The following MARCHF1 variants were observed in gnomAD, a reference collection of about 807,000 sequenced individuals.
MARCHF1 encodes the protein E3 ubiquitin-protein ligase MARCHF1.
MARCHF1 carries 40 observed loss-of-function variants against 54.2 expected under a neutral mutation model. The ratio of observed to expected loss-of-function variants is 0.74; its 90% CI spans 0.57 to 0.96. The LOEUF is 0.96. Among genes scored for constraint, MARCHF1 ranks in the 40% least tolerant of loss-of-function variants. The pLI, the probability that MARCHF1 is intolerant of heterozygous loss-of-function variation, is 0.00. For missense variants in MARCHF1, 586 were observed against 656.5 expected (o/e 0.89, Z 1.17); for synonymous variants, 236 against 236.3 (o/e 1.00, Z 0.01).
At chr4:164,021,633 T>A (rs1329447018) in intron 2 of MARCHF1, among the ~76,000 whole-genome samples, 1 of 152,036 alleles carries the variant, frequency 6.6e-6, no homozygotes, top group African/African-American at 2.4e-5. Flanking sequence ...TACATTTATA[T>A]TTGAAAATAT....
intron 1 of MARCHF1, among the ~76,000 whole-genome samples, chr4:164,299,127 T>TA (rs1033435084): frequency 6.6e-6 from 1 of 152,126 alleles, no homozygotes; most frequent in Admixed American, 6.6e-5. Flanking sequence ...TAGAAAACAT[T>TA]AAACTCTTAT....
rs1353137442 is a variant in MARCHF1, at chr4:163,886,478, G to A, written c.-38-32309C>T. Among the ~76,000 whole-genome samples, 5 of 151,962 alleles carry A rather than the reference G, an allele frequency of 3.3e-5. No homozygotes were observed. The South Asian group carries it at 6.2e-4, about 19-fold the overall frequency. ...AAAATTGTGTAACTAGCATGAGGCA[G>A]CTTGTAAAAAAAATACTGGTGCAGC... On this transcript the variant is annotated intron_variant, in intron 3 of 9. Coordinates refer to ENST00000514618, the MANE Select transcript of MARCHF1 (RefSeq NM_001394959.1).
At chr4:163,736,650 G>A (rs1165110993) in intron 4 of MARCHF1, among the ~76,000 whole-genome samples, 1 of 151,980 alleles carries the variant, frequency 6.6e-6, no homozygotes, top group African/African-American at 2.4e-5. Context: ...AGAATATTAT[G>A]ATGCCTAAGA....
chr4:163,538,960 T>A (rs1211692196), intron 9 of MARCHF1, among the ~76,000 whole-genome samples: 2 of 152,150 alleles, frequency 1.3e-5, no homozygotes, highest in Admixed American at 1.3e-4. Context: ...TCGGAAACTT[T>A]AAGTGTGTTT....
At chr4:163,962,195 G>A (rs1156863330) in intron 3 of MARCHF1, among the ~76,000 whole-genome samples, 1 of 151,904 alleles carries the variant, frequency 6.6e-6, no homozygotes, top group Non-Finnish European at 1.5e-5. Context: ...TCCATTGGAA[G>A]CAACTGCAAT....
chr4:164,081,691 T>A (rs750139789), intron 2 of MARCHF1, among the ~76,000 whole-genome samples: 2 of 152,068 alleles, frequency 1.3e-5, no homozygotes, highest in Non-Finnish European at 2.9e-5. Context: ...GGGGAAAACA[T>A]GCACATGTGC....
chr4:163,728,680 G>C (rs6816308), intron 4 of MARCHF1, among the ~76,000 whole-genome samples: 4,935 of 152,152 alleles, frequency 0.032, 177 homozygotes, highest in African/African-American at 0.087. Context: ...TCACTTCCTA[G>C]GTTTAGCCTT....
intron 2 of MARCHF1, among the ~76,000 whole-genome samples, chr4:164,066,221 C>A (rs900416935): frequency 6.6e-6 from 1 of 151,768 alleles, no homozygotes; most frequent in South Asian, 2.1e-4. Context: ...ATGATATAAA[C>A]ACTTTTCAAA....
intron 4 of MARCHF1, among the ~76,000 whole-genome samples, chr4:163,814,011 C>A (rs372272367): frequency 2.0e-5 from 3 of 152,310 alleles, no homozygotes; most frequent in South Asian, 4.1e-4. Flanking sequence ...GGTCATAAAA[C>A]CCTCACAGCC....
At chr4:164,036,431 T>C (rs936505926) in intron 2 of MARCHF1, among the ~76,000 whole-genome samples, 2 of 152,122 alleles carry the variant, frequency 1.3e-5, no homozygotes, top group Admixed American at 6.5e-5. Context: ...AACTAACCTA[T>C]AGAATTACCT....
chr4:163,950,327 C>A (rs912073018), intron 3 of MARCHF1, among the ~76,000 whole-genome samples: 1 of 152,192 alleles, frequency 6.6e-6, no homozygotes, highest in Non-Finnish European at 1.5e-5. Flanking sequence ...AGGGGACTGG[C>A]GTGTCAGTGC....
chr4:164,090,539 T>C (rs894051321), intron 2 of MARCHF1, among the ~76,000 whole-genome samples: 4 of 152,118 alleles, frequency 2.6e-5, no homozygotes, highest in Non-Finnish European at 5.9e-5. Flanking sequence ...ATATCACCTG[T>C]TATCTTCTGA....
rs1338990829 is a variant in MARCHF1 at position 164,352,264 on chromosome 4, C to G, written c.-323+31606G>C. Among the ~76,000 whole-genome samples the G allele has an allele frequency of 1.9e-5, 2 of 104,052 alleles. 1 individual carries two copies. The highest frequency in any genetic ancestry group is 6.4e-5 in the African/African-American group (2 of 31,238). 68.3% of individuals were successfully genotyped at this position (104,052 alleles called of 152,430 possible). ...CAGATTCAGGAAATACAGAGAACGC[C>G]ACAAAGATACTCCTCGAGAAGAGCA... On this transcript the variant is annotated intron_variant, in intron 1 of 9. Transcript: ENST00000514618.
chr4:163,811,764 G>A (rs1206791641), intron 4 of MARCHF1, among the ~76,000 whole-genome samples: 1 of 152,068 alleles, frequency 6.6e-6, no homozygotes, highest in African/African-American at 2.4e-5. Flanking sequence ...AGTTTACTAG[G>A]CCCTGTGGGT....
intron 5 of MARCHF1, among the ~76,000 whole-genome samples, chr4:163,646,621 C>T (rs949711963): frequency 7.9e-5 from 12 of 151,906 alleles, no homozygotes; most frequent in African/African-American, 2.9e-4. Context: ...ATTGTGATAT[C>T]AAAAACCATA....
intron 3 of MARCHF1, among the ~76,000 whole-genome samples, chr4:163,939,849 CAT>C (rs750682402): frequency 4.6e-5 from 7 of 152,140 alleles, no homozygotes; most frequent in African/African-American, 1.7e-4. Context: ...TATGATACCA[CAT>C]GTTTGAACTG....
At chr4:164,028,137 T>C (rs745722022) in intron 2 of MARCHF1, among the ~76,000 whole-genome samples, 2 of 152,204 alleles carry the variant, frequency 1.3e-5, no homozygotes, top group Non-Finnish European at 2.9e-5. Flanking sequence ...TGTCCATTAA[T>C]TCAGCCACTG....
chr4:164,146,420 C>CTA (rs1297780259), intron 1 of MARCHF1, among the ~76,000 whole-genome samples: 2 of 152,046 alleles, frequency 1.3e-5, no homozygotes, highest in African/African-American at 4.8e-5. Flanking sequence ...TGACTTCAAA[C>CTA]TATACTACAA....
At chr4:164,055,665 C>A (rs1312307351) in intron 2 of MARCHF1, among the ~76,000 whole-genome samples, 3 of 152,060 alleles carry the variant, frequency 2.0e-5, no homozygotes, top group Admixed American at 6.6e-5. Flanking sequence ...TATTAAGTAG[C>A]ATGGATTAGG....
Sources: gnomAD v4.1 joint callset for allele counts (sites outside exome capture counted in the v4.1 genomes callset) on GRCh38, gnomAD v4.1.1 for gene constraint, MANE v1.5 for transcripts, NCBI Gene and HGNC (gene_info 2026-07-23, HGNC 2026-07-21) for gene names.